Variants in INSC observed in about 807,000 individuals in gnomAD.
The protein encoded by INSC is INSC spindle orientation adaptor protein, also known as protein inscuteable homolog.
A neutral mutation model predicts 58.6 loss-of-function variants in INSC; 67 were observed. The ratio of observed to expected loss-of-function variants is 1.14; its 90% CI spans 0.94 to 1.40. The LOEUF is 1.40. Among genes scored for constraint, INSC ranks in the 40% most tolerant of loss-of-function variants. The probability of loss-of-function intolerance (pLI) is 0.00; values close to 1 mark genes in which losing one functional copy is unlikely to be tolerated. For synonymous variants in INSC, 262 were observed against 276.1 expected (o/e 0.95, Z 0.51); for missense variants, 714 against 692.0 (o/e 1.03, Z -0.36).
intron 7 of INSC, among the ~76,000 whole-genome samples, chr11:15,209,295 G>C (rs1375421952): frequency 6.6e-6 from 1 of 152,220 alleles, no homozygotes; most frequent in Non-Finnish European, 1.5e-5. Context: ...TGAAAGTGAA[G>C]TGTCAATCCC....
chr11:15,135,937 G>C (rs1039420851), intron 1 of INSC, among the ~76,000 whole-genome samples: 46 of 152,096 alleles, frequency 3.0e-4, no homozygotes, highest in African/African-American at 1.1e-3. Context: ...TGTGCTCTTT[G>C]GGGGAAGGAA....
Position 15,190,816 on chromosome 11 carries a change from T to A in INSC, c.693+2T>A. Reference sequence around the variant, plus strand: ...CCCTTGTGCCGCATCATAGCCAAGGTGAGCTTCATGGTTAGGGACCAAAAT... The same window carrying A: ...CCCTTGTGCCGCATCATAGCCAAGGAGAGCTTCATGGTTAGGGACCAAAAT... On this transcript the variant is annotated splice_donor_variant, in intron 6 of 12. Coordinates refer to ENST00000379556, the MANE Select transcript of INSC (RefSeq NM_001042536.3). LOFTEE classifies it high-confidence loss of function. 1 of 1,606,388 alleles carries A rather than the reference T, an allele frequency of 6.2e-7. No homozygotes were observed. Among genetic ancestry groups the A allele is most frequent in the Non-Finnish European group, 8.5e-7 (1 of 1,173,112 alleles).
chr11:15,212,845 A>C (rs1851079983), intron 7 of INSC, among the ~76,000 whole-genome samples: 1 of 152,166 alleles, frequency 6.6e-6, no homozygotes, highest in Admixed American at 6.5e-5. Flanking sequence ...GTCTGATTGC[A>C]TTGGGCAGTA....
intron 2 of INSC, among the ~76,000 whole-genome samples, chr11:15,172,828 G>A (rs1253289514): frequency 1.3e-5 from 2 of 152,116 alleles, no homozygotes; most frequent in Admixed American, 6.5e-5. Flanking sequence ...AGATGTGTGA[G>A]AAGGGAGGCT....
Position 15,240,606 on chromosome 11 carries a change from C to G in INSC, c.1470+83C>G, listed in dbSNP as rs965068381. On this transcript the variant is annotated intron_variant, in intron 12 of 12. Coordinates refer to ENST00000379556, the MANE Select transcript of INSC (RefSeq NM_001042536.3). ...GCCAGGAGAACCGGCTGTGCTGTGG[C>G]TGGCTTCAGTAAGCCATAAAACCTC... 4.4e-6 allele frequency: 5 copies of G among 1,146,334 alleles called. No homozygotes were observed. The African/African-American group carries it at 7.7e-5, about 18-fold the overall frequency. 71.0% of individuals were successfully genotyped at this position (1,146,334 alleles called of 1,614,324 possible). A position where few individuals can be genotyped will look rare whatever the true frequency, so the allele number is the denominator to read the frequency against.
chr11:15,219,208 C>G (rs1452322042), intron 7 of INSC, among the ~76,000 whole-genome samples: 1 of 152,130 alleles, frequency 6.6e-6, no homozygotes, highest in Non-Finnish European at 1.5e-5. Flanking sequence ...GAAACTCTCA[C>G]TGAATTTGAT....
At chr11:15,112,611 TG>T, upstream of INSC, 2 of 588,432 alleles carry the variant, frequency 3.4e-6, no homozygotes, top group Non-Finnish European at 4.7e-6. Context: ...TGTGTGTGTG[TG>T]TGTGTGTGTG....
intron 1 of INSC, among the ~76,000 whole-genome samples, chr11:15,147,226 G>A (rs180779242): frequency 1.3e-5 from 2 of 152,080 alleles, no homozygotes; most frequent in East Asian, 1.9e-4. Flanking sequence ...TTTCTTTTGC[G>A]CCATCCCTTT....
At chr11:15,150,867 G>A (rs190596838) in intron 2 of INSC, among the ~76,000 whole-genome samples, 1 of 152,176 alleles carries the variant, frequency 6.6e-6, no homozygotes, top group Non-Finnish European at 1.5e-5. Context: ...GTAGACCTTG[G>A]AATCAGACTT....
intron 1 of INSC, among the ~76,000 whole-genome samples, chr11:15,123,574 G>A (rs1267450392): frequency 6.6e-6 from 1 of 152,144 alleles, no homozygotes; most frequent in Non-Finnish European, 1.5e-5. Flanking sequence ...AACCATGTCT[G>A]TCCCTCAGAG....
chr11:15,135,344 C>G (rs1469934855), intron 1 of INSC, among the ~76,000 whole-genome samples: 7 of 152,186 alleles, frequency 4.6e-5, no homozygotes, highest in Admixed American at 4.6e-4. Context: ...CCATTCTGTG[C>G]CCCAGATAGA....
intron 5 of INSC, among the ~76,000 whole-genome samples, chr11:15,188,801 G>A (rs1199807131): frequency 6.6e-6 from 1 of 152,158 alleles, no homozygotes; most frequent in Non-Finnish European, 1.5e-5. Flanking sequence ...ACACTAATCA[G>A]GAACATTAGG....
At chr11:15,203,280 A>G (rs1434029894) in intron 7 of INSC, among the ~76,000 whole-genome samples, 1 of 152,180 alleles carries the variant, frequency 6.6e-6, no homozygotes, top group Non-Finnish European at 1.5e-5. Context: ...ATTCCTGGCC[A>G]CTGTGCTAAC....
downstream of INSC, among the ~76,000 whole-genome samples, chr11:15,249,899 C>A (rs1324463133): frequency 1.3e-5 from 2 of 152,242 alleles, no homozygotes; most frequent in African/African-American, 2.4e-5. Context: ...ATAAAGTCCT[C>A]ACTGGTCAGG....
chr11:15,127,484 C>T (rs1353322942), intron 1 of INSC, among the ~76,000 whole-genome samples: 5 of 152,158 alleles, frequency 3.3e-5, no homozygotes, highest in African/African-American at 7.2e-5. Flanking sequence ...CACCAGGGTT[C>T]GCGTCAATGC....
Position 15,175,757 on chromosome 11 carries a change from G to A in INSC, c.73G>A (p.Val25Met), listed in dbSNP as rs931686849. 9 of 1,566,136 alleles carry A rather than the reference G, an allele frequency of 5.7e-6. No homozygotes were observed. Among genetic ancestry groups the A allele is most frequent in the South Asian group, 4.7e-5 (4 of 84,966 alleles). Residue 25 changes from valine to methionine, a missense_variant, in exon 3 of 13, where the codon GTG (valine) becomes ATG (methionine). By Grantham distance (21) the Val-to-Met change is conservative. Transcript: ENST00000379556. The stretch of plus-strand genomic sequence containing the variant: ...TGGTTGCAGGCTACACCTGATGCAG[G>A]TGGACTCAGTCCAGCGCTGGATGGA... ...LPGQRLHLMQ[V>M]DSVQRWMEDL...
chr11:15,122,630 C>A (rs1456225296), intron 1 of INSC, among the ~76,000 whole-genome samples: 1 of 152,082 alleles, frequency 6.6e-6, no homozygotes, highest in East Asian at 1.9e-4. Flanking sequence ...ATCCTCAACA[C>A]CTCTCTCCCT....
chr11:15,194,226 G>T (rs957654136), intron 6 of INSC, among the ~76,000 whole-genome samples: 1 of 152,142 alleles, frequency 6.6e-6, no homozygotes, highest in Non-Finnish European at 1.5e-5. Context: ...TTTTTCACTT[G>T]AAATATGACA....
intron 7 of INSC, among the ~76,000 whole-genome samples, chr11:15,211,902 T>G (rs559273393): frequency 6.6e-6 from 1 of 152,160 alleles, no homozygotes; most frequent in East Asian, 1.9e-4. Flanking sequence ...CTTGTGCCAA[T>G]AGAGCACGGG....
Sources: gnomAD v4.1 joint callset for allele counts (sites outside exome capture counted in the v4.1 genomes callset) on GRCh38, gnomAD v4.1.1 for gene constraint, MANE v1.5 for transcripts, NCBI Gene and HGNC (gene_info 2026-07-23, HGNC 2026-07-21) for gene names.